SFT2D2: variants seen among roughly 807,000 people sequenced by gnomAD.
SFT2D2 encodes the protein vesicle transport protein SFT2B.
A neutral mutation model predicts 27.4 loss-of-function variants in SFT2D2; 21 were observed. The observed-to-expected ratio is 0.77, with a 90% CI of 0.54 to 1.10. The LOEUF is 1.10. Ranked by LOEUF, SFT2D2 falls within the 50% of genes least tolerant of loss-of-function variation. The pLI, the probability that SFT2D2 is intolerant of heterozygous loss-of-function variation, is 0.00. For synonymous variants in SFT2D2, 72 were observed against 71.7 expected, an observed-to-expected ratio of 1.00 and a Z score of -0.02; for missense variants, 187 against 194.2, an observed-to-expected ratio of 0.96 and a Z score of 0.22.
Position 168,249,903 on chromosome 1 carries a change from G to A in SFT2D2, c.*7363G>A, listed in dbSNP as rs929860189. On this transcript the variant is annotated 3_prime_UTR_variant, in exon 8 of 8. Coordinates refer to ENST00000271375, the MANE Select transcript of SFT2D2 (RefSeq NM_199344.3). Reference sequence around the variant, plus strand: ...TTGGAAGATGAGAGTGAATGTCTCCGATCATTAATTTATTTAACAAATACT... The same window carrying A: ...TTGGAAGATGAGAGTGAATGTCTCCAATCATTAATTTATTTAACAAATACT... 2 of 152,138 alleles carry A rather than the reference G, an allele frequency of 1.3e-5. No homozygotes were observed. Among genetic ancestry groups the A allele is most frequent in the Admixed American group, 6.5e-5 (1 of 15,278 alleles). 9.4% of individuals were successfully genotyped at this position (152,138 alleles called of 1,614,324 possible).
In SFT2D2 at chr1:168,245,757, C is replaced by A. The variant is rs750179430; in HGVS notation, c.*3217C>A. The stretch of plus-strand genomic sequence containing the variant: ...GATTTAAATTCAGAAGAAGCTTCAT[C>A]TATTTCTGTAGTTTCATTTTCTTGC... On this transcript the variant is annotated 3_prime_UTR_variant, in exon 8 of 8. Transcript: ENST00000271375. The A allele has an allele frequency of 6.6e-6, 1 of 152,658 alleles. No individual in the cohort carries two copies. Among genetic ancestry groups the A allele is most frequent in the Non-Finnish European group, 1.5e-5 (1 of 68,426 alleles). 9.5% of individuals were successfully genotyped at this position (152,658 alleles called of 1,614,324 possible).
chr1:168,235,760 A>G (rs1033268451), intron 4 of SFT2D2, among the ~76,000 whole-genome samples: 4 of 151,932 alleles, frequency 2.6e-5, no homozygotes, highest in African/African-American at 4.8e-5. Flanking sequence ...TTTTTGGCCT[A>G]TTTTCTTCCC....
rs1284168343 is a variant in SFT2D2 at position 168,245,038 on chromosome 1, C to T, written c.*2498C>T. 1 of 152,168 alleles carries T rather than the reference C, an allele frequency of 6.6e-6. No homozygotes were observed. Among genetic ancestry groups the T allele is most frequent in the African/African-American group, 2.4e-5 (1 of 41,434 alleles). 9.4% of individuals were successfully genotyped at this position (152,168 alleles called of 1,614,324 possible). On this transcript the variant is annotated 3_prime_UTR_variant, in exon 8 of 8. Transcript: ENST00000271375. The stretch of plus-strand genomic sequence containing the variant: ...ATTGAGAATAAGACAGAGATGTCAA[C>T]TCTTACCACTTCTATTCAACGTTGT...
Position 168,249,151 on chromosome 1 carries a change from G to T in SFT2D2, c.*6611G>T, listed in dbSNP as rs1172958851. ...GAATTTGTTTGCTCTTGCTTCTCTA[G>T]GTCTTTTAATTGTGATGTTAGGGTG... is the stretch of plus-strand genomic sequence containing the variant. On this transcript the variant is annotated 3_prime_UTR_variant, in exon 8 of 8. Transcript: ENST00000271375. The T allele has an allele frequency of 2.0e-5, 3 of 151,782 alleles. No homozygotes were observed. The allele number at this position is 151,782 out of a possible 1,614,324, so 9.4% of individuals were successfully genotyped here.
At chr1:168,238,690 C>T (rs959088552) in intron 6 of SFT2D2, among the ~76,000 whole-genome samples, 4 of 151,230 alleles carry the variant, frequency 2.6e-5, no homozygotes, top group African/African-American at 9.8e-5. Flanking sequence ...CGAGCACGAC[C>T]CTGTCTCAAA....
rs1398452156 is a variant in SFT2D2 at position 168,248,350 on chromosome 1, T to G, written c.*5810T>G. ...TTTTCCTAATTGAATACCCTTTATT[T>G]CTTTCTCTTGCCTGATTGCCCTGGC... On this transcript the variant is annotated 3_prime_UTR_variant, in exon 8 of 8. Transcript: ENST00000271375. The G allele has an allele frequency of 6.6e-6, 1 of 152,218 alleles. No individual in the cohort carries two copies. The highest frequency in any genetic ancestry group is 2.4e-5 in the African/African-American group (1 of 41,450). The allele number at this position is 152,218 out of a possible 1,614,324, so 9.4% of individuals were successfully genotyped here.
intron 2 of SFT2D2, 86 bp downstream of exon 2, chr1:168,231,686 G>T: frequency 6.7e-7 from 1 of 1,491,160 alleles, no homozygotes; most frequent in East Asian, 2.3e-5. Flanking sequence ...TTCCCCTTTT[G>T]CCCTTCACTA....
chr1:168,238,990 C>A, intron 6 of SFT2D2, 141 bp from the exon 7 acceptor site: 1 of 702,572 alleles, frequency 1.4e-6, no homozygotes, highest in Admixed American at 2.1e-5. Flanking sequence ...TTTGTGTGCA[C>A]ATGCTCATCC....
At chr1:168,232,960 A>G (rs1647368031) in intron 3 of SFT2D2, among the ~76,000 whole-genome samples, 1 of 152,094 alleles carries the variant, frequency 6.6e-6, no homozygotes, top group Non-Finnish European at 1.5e-5. Flanking sequence ...TGTCTCCTCC[A>G]TTGCCCCTCT....
chr1:168,244,554 C>G lies in SFT2D2; in HGVS notation c.*2014C>G, dbSNP rs1218523249. On this transcript the variant is annotated 3_prime_UTR_variant, in exon 8 of 8. Coordinates refer to ENST00000271375, the MANE Select transcript of SFT2D2 (RefSeq NM_199344.3). Reference sequence around the variant, plus strand: ...AGAGAGGAGCTAGTCTTCCCAGGTTCTTTCTAGGCTATTGATGACATCCAG... The same window carrying G: ...AGAGAGGAGCTAGTCTTCCCAGGTTGTTTCTAGGCTATTGATGACATCCAG... The G allele has an allele frequency of 6.6e-6, 1 of 152,282 alleles. No individual in the cohort carries two copies. The highest frequency in any genetic ancestry group is 2.4e-5 in the African/African-American group (1 of 41,440). 9.4% of individuals were successfully genotyped at this position (152,282 alleles called of 1,614,324 possible).
Position 168,237,875 on chromosome 1 carries a change from T to TTA in SFT2D2, c.413+1105_413+1106insTA, listed in dbSNP as rs1553283588. On this transcript the variant is annotated intron_variant, in intron 6 of 7. Coordinates refer to ENST00000271375, the MANE Select transcript of SFT2D2 (RefSeq NM_199344.3). ...TGTGTGTGTATGTTTTTTTTTTTTTTAAATGACATGCACATTTGAGTGGTA... is the reference window on the plus strand; with the variant it reads ...TGTGTGTGTATGTTTTTTTTTTTTTTTAAAATGACATGCACATTTGAGTGGTA... 5.0e-3 allele frequency among the ~76,000 whole-genome samples: 740 copies of TTA among 148,708 alleles called. 2 individuals are homozygous for TTA. The highest frequency in any genetic ancestry group is 0.017 in the Middle Eastern group (5 of 286).
intron 7 of SFT2D2, 109 bp from the exon 8 acceptor site, chr1:168,242,392 C>G (rs1365991788): frequency 2.1e-5 from 25 of 1,163,500 alleles, no homozygotes; most frequent in Non-Finnish European, 3.2e-5. Context: ...AAGGTCTGAT[C>G]TTTCAGTCTA....
chr1:168,227,124 A>T (rs1700470466), intron 1 of SFT2D2, among the ~76,000 whole-genome samples: 1 of 152,192 alleles, frequency 6.6e-6, no homozygotes, highest in Admixed American at 6.5e-5. Context: ...CCGGCCTATT[A>T]GAAAAGTTTT....
In SFT2D2 at chr1:168,239,131, G is replaced by A. The variant is rs907338330; in HGVS notation, c.414G>A (p.Trp138Ter). ...FCILQSLALT[W>*]YSLSFIPFAR... ...CCCTTTGTTTTGTTTTTCATTATAG[G>A]TACAGCCTTTCCTTCATACCATTTG... Residue 138 changes from tryptophan to a stop codon, truncating the protein, a stop_gained and splice_region_variant, in exon 7 of 8, where the codon TGG becomes TGA. Transcript: ENST00000271375. LOFTEE classifies it high-confidence loss of function. The A allele has an allele frequency of 5.0e-6, 8 of 1,606,046 alleles. No homozygotes were observed. The highest frequency in any genetic ancestry group is 4.0e-5 in the African/African-American group (3 of 74,786).
Position 168,248,010 on chromosome 1 carries a change from G to A in SFT2D2, c.*5470G>A, listed in dbSNP as rs1046613691. On this transcript the variant is annotated 3_prime_UTR_variant, in exon 8 of 8. Transcript: ENST00000271375. ...AGTGTCTATCCTTCGCCCACTTTTC[G>A]ATGGGGTTGTTTTGCTCTTATAAAT... The A allele has an allele frequency of 6.6e-6, 1 of 152,132 alleles. No individual in the cohort carries two copies. 9.4% of individuals were successfully genotyped at this position (152,132 alleles called of 1,614,324 possible). A position where few individuals can be genotyped will look rare whatever the true frequency, so the allele number is the denominator to read the frequency against.
At chr1:168,238,999 C>T in intron 6 of SFT2D2, 132 bp from the exon 7 acceptor site, 1 of 719,820 alleles carries the variant, frequency 1.4e-6, no homozygotes, top group South Asian at 1.7e-5. Context: ...ACATGCTCAT[C>T]CCCCAGGCTG....
chr1:168,226,452 C>A (rs1558173795), intron 1 of SFT2D2, among the ~76,000 whole-genome samples: 1 of 152,196 alleles, frequency 6.6e-6, no homozygotes, highest in African/African-American at 2.4e-5. Flanking sequence ...GCCCCACCGG[C>A]CGGGGAATGC....
intron 6 of SFT2D2, among the ~76,000 whole-genome samples, chr1:168,238,559 T>TA (rs1265880580): frequency 1.3e-5 from 2 of 152,064 alleles, no homozygotes; most frequent in African/African-American, 4.8e-5. Context: ...CACATACTTG[T>TA]AGTCCCAGCA....
chr1:168,251,078 T>C lies in SFT2D2; in HGVS notation c.*8538T>C, dbSNP rs547048253. 6.6e-6 allele frequency: 1 copy of C among 152,110 alleles called. No homozygotes were observed. The highest frequency in any genetic ancestry group is 1.5e-5 in the Non-Finnish European group (1 of 67,994). 9.4% of individuals were successfully genotyped at this position (152,110 alleles called of 1,614,324 possible). ...GAGCACTTTGGGAGGCTGAGGTGGG[T>C]GGATCGCTTGAGGTCAGGAGTTCAA... On this transcript the variant is annotated 3_prime_UTR_variant, in exon 8 of 8. Coordinates refer to ENST00000271375, the MANE Select transcript of SFT2D2 (RefSeq NM_199344.3).
Sources: gnomAD v4.1 joint callset for allele counts (sites outside exome capture counted in the v4.1 genomes callset) on GRCh38, gnomAD v4.1.1 for gene constraint, MANE v1.5 for transcripts, NCBI Gene and HGNC (gene_info 2026-07-23, HGNC 2026-07-21) for gene names.